Variants in GALNTL6 observed in about 807,000 individuals in gnomAD.
GALNTL6 encodes polypeptide N-acetylgalactosaminyltransferase-like 6.
GALNTL6 carries 46 observed loss-of-function variants against 73.7 expected under a neutral mutation model. That is an observed-to-expected ratio of 0.62 (90% CI 0.49 to 0.80). The LOEUF is 0.80. GALNTL6 is among the 30% of genes least tolerant of loss of function. GALNTL6 has a pLI of 0.00. For synonymous variants in GALNTL6, 259 were observed against 263.7 expected, an observed-to-expected ratio of 0.98 and a Z score of 0.17; for missense variants, 604 against 755.0, an observed-to-expected ratio of 0.80 and a Z score of 2.34.
chr4:172,315,273 A>T (rs955012249), intron 4 of GALNTL6, among the ~76,000 whole-genome samples: 4 of 151,752 alleles, frequency 2.6e-5, no homozygotes, highest in Admixed American at 1.3e-4. Flanking sequence ...TTATTTATTT[A>T]TTTTTTTGAG....
intron 5 of GALNTL6, among the ~76,000 whole-genome samples, chr4:172,556,083 C>T (rs748431752): frequency 1.8e-4 from 27 of 152,094 alleles, no homozygotes; most frequent in Non-Finnish European, 2.8e-4. Context: ...TGATTTTAAA[C>T]TTAAATGTGC....
chr4:172,991,358 G>A (rs1455423057), intron 10 of GALNTL6, among the ~76,000 whole-genome samples: 1 of 151,700 alleles, frequency 6.6e-6, no homozygotes, highest in Non-Finnish European at 1.5e-5. Context: ...TTTTACTTTT[G>A]TATTCACGTA....
At chr4:172,878,296 G>T (rs934696672) in intron 7 of GALNTL6, among the ~76,000 whole-genome samples, 2 of 151,602 alleles carry the variant, frequency 1.3e-5, no homozygotes, top group African/African-American at 2.4e-5. Flanking sequence ...TTTCCTTAGG[G>T]CCACTTATTT....
At chr4:172,006,869 A>G (rs750517032) in intron 2 of GALNTL6, among the ~76,000 whole-genome samples, 1 of 152,014 alleles carries the variant, frequency 6.6e-6, no homozygotes, top group Non-Finnish European at 1.5e-5. Context: ...TTTGATCCTC[A>G]GTTATCTACA....
intron 2 of GALNTL6, among the ~76,000 whole-genome samples, chr4:172,227,849 T>A (rs1736921199): frequency 6.6e-6 from 1 of 152,342 alleles, no homozygotes; most frequent in African/African-American, 2.4e-5. Flanking sequence ...AAATAGAGTG[T>A]CCCTGGTATT....
chr4:172,713,262 G>GTGTGTGTGTGTGTGTGTGTGTGTT (rs1734834933), intron 5 of GALNTL6, among the ~76,000 whole-genome samples: 1 of 125,888 alleles, frequency 7.9e-6, no homozygotes, highest in Admixed American at 7.6e-5. Context: ...GTGTGTGTGT[G>GTGTGTGTGTGTGTGTGTGTGTGTT]TGTGTTTAGA....
At chr4:172,626,361 G>T (rs764599504) in intron 5 of GALNTL6, among the ~76,000 whole-genome samples, 17 of 151,948 alleles carry the variant, frequency 1.1e-4, no homozygotes, top group Non-Finnish European at 2.1e-4. Flanking sequence ...TCTCTATCCT[G>T]TCTCATTGGT....
At chr4:172,742,119 C>T (rs892944827) in intron 5 of GALNTL6, among the ~76,000 whole-genome samples, 8 of 151,814 alleles carry the variant, frequency 5.3e-5, no homozygotes, top group African/African-American at 1.9e-4. Flanking sequence ...TTTCTTCTAC[C>T]ACCCCATCAC....
intron 3 of GALNTL6, among the ~76,000 whole-genome samples, chr4:172,276,850 A>C (rs1738849805): frequency 6.6e-6 from 1 of 152,100 alleles, no homozygotes; most frequent in African/African-American, 2.4e-5. Context: ...TAGATAGTAA[A>C]ATGTATTTAA....
intron 10 of GALNTL6, among the ~76,000 whole-genome samples, chr4:172,977,195 GGTTT>G (rs1352692954): frequency 3.3e-5 from 5 of 152,170 alleles, no homozygotes; most frequent in African/African-American, 1.2e-4. Context: ...GAGGCCAGTG[GGTTT>G]GTTTGCCAGA....
intron 8 of GALNTL6, 25 bp downstream of exon 8, chr4:172,882,932 C>A (rs951790633): frequency 5.9e-6 from 7 of 1,179,234 alleles, no homozygotes; most frequent in East Asian, 2.4e-5. Flanking sequence ...CCTCTTCACA[C>A]TATATCTGTA....
chr4:172,049,708 G>A (rs1408042665), intron 2 of GALNTL6, among the ~76,000 whole-genome samples: 1 of 152,192 alleles, frequency 6.6e-6, no homozygotes, highest in Non-Finnish European at 1.5e-5. Context: ...GCTCAGCCTG[G>A]CGCAGCGGCT....
At chr4:172,730,437 A>G (rs1736076591) in intron 5 of GALNTL6, among the ~76,000 whole-genome samples, 1 of 152,188 alleles carries the variant, frequency 6.6e-6, no homozygotes, top group Non-Finnish European at 1.5e-5. Context: ...GTTTTTTAAT[A>G]AAGGGATGCT....
At chr4:172,084,978 A>T (rs1731985557) in intron 2 of GALNTL6, among the ~76,000 whole-genome samples, 1 of 152,156 alleles carries the variant, frequency 6.6e-6, no homozygotes, top group African/African-American at 2.4e-5. Flanking sequence ...TATCAGGGAG[A>T]ACTGAGTTTC....
intron 5 of GALNTL6, among the ~76,000 whole-genome samples, chr4:172,700,892 C>T (rs1325909933): frequency 1.3e-5 from 2 of 152,080 alleles, no homozygotes; most frequent in Non-Finnish European, 2.9e-5. Flanking sequence ...GAGGGCCATA[C>T]TTCATTTTAA....
chr4:172,140,165 A>G (rs1212058270), intron 2 of GALNTL6, among the ~76,000 whole-genome samples: 2 of 152,076 alleles, frequency 1.3e-5, no homozygotes, highest in African/African-American at 4.8e-5. Flanking sequence ...AAAATTCGTT[A>G]CATTTCTTTA....
intron 7 of GALNTL6, among the ~76,000 whole-genome samples, chr4:172,862,353 T>G (rs1408562450): frequency 6.6e-6 from 1 of 152,116 alleles, no homozygotes; most frequent in Admixed American, 6.6e-5. Context: ...ATTTAGGGTA[T>G]CAGGCAGAAG....
At chr4:171,839,331 A>G (rs555622210) in intron 2 of GALNTL6, among the ~76,000 whole-genome samples, 1 of 152,314 alleles carries the variant, frequency 6.6e-6, no homozygotes, top group East Asian at 1.9e-4. Context: ...TTTAAAAAAA[A>G]TCTGCCTGAC....
intron 2 of GALNTL6, among the ~76,000 whole-genome samples, chr4:172,109,846 A>G (rs1732800603): frequency 1.3e-5 from 2 of 152,216 alleles, no homozygotes; most frequent in African/African-American, 4.8e-5. Flanking sequence ...TTCACTGGTT[A>G]AAATGTAGCA....
Sources: allele counts gnomAD v4.1 joint callset (sites outside exome capture counted in the v4.1 genomes callset), GRCh38; gene constraint gnomAD v4.1.1; transcripts MANE v1.5; gene names NCBI Gene and HGNC (gene_info 2026-07-23, HGNC 2026-07-21).